RERE: variants seen among roughly 807,000 people sequenced by gnomAD.
RERE encodes arginine-glutamic acid dipeptide repeats, also known as arginine-glutamic acid dipeptide repeats protein.
In RERE, 40 loss-of-function variants were observed where a neutral mutation model predicts 146.1. That is an observed-to-expected ratio of 0.27 (90% confidence interval 0.21 to 0.36). The LOEUF (loss-of-function observed/expected upper bound fraction) is 0.36, where lower values mean the gene tolerates loss of function less well. Among genes scored for constraint, RERE ranks in the 10% least tolerant of loss-of-function variants. The pLI is 1.00. For synonymous variants in RERE, 1,003 were observed against 866.0 expected, an observed-to-expected ratio of 1.16 and a Z score of -2.78; for missense variants, 1,933 against 2,138.7, an observed-to-expected ratio of 0.90 and a Z score of 1.90.
intron 1 of RERE, among the ~76,000 whole-genome samples, chr1:8,707,639 T>C (rs376185572): frequency 6.6e-6 from 1 of 152,208 alleles, no homozygotes; most frequent in Admixed American, 6.5e-5. Context: ...TTCTTTCCTA[T>C]AGCATTATCC....
At chr1:8,455,266 G>C (rs1315370295) in intron 11 of RERE, among the ~76,000 whole-genome samples, 1 of 152,062 alleles carries the variant, frequency 6.6e-6, no homozygotes, top group Non-Finnish European at 1.5e-5. Context: ...TTTAGAGACA[G>C]GGTATCGCTC....
intron 7 of RERE, among the ~76,000 whole-genome samples, chr1:8,520,904 C>T (rs1052790809): frequency 2.0e-5 from 3 of 151,566 alleles, no homozygotes; most frequent in African/African-American, 7.3e-5. Context: ...TGAAGCACCC[C>T]CAGAAAAAAA....
intron 8 of RERE, among the ~76,000 whole-genome samples, chr1:8,500,674 G>A (rs1437846446): frequency 2.0e-5 from 3 of 147,902 alleles, no homozygotes; most frequent in Admixed American, 6.7e-5. Context: ...GCCGCCCATC[G>A]TCTGGGATAT....
Position 8,698,722 on chromosome 1 carries a change from G to A in RERE, c.-144-42281C>T, listed in dbSNP as rs1639386424. 1.3e-5 allele frequency among the ~76,000 whole-genome samples: 2 copies of A among 151,824 alleles called. 1 individual carries two copies. Among genetic ancestry groups the A allele is most frequent in the African/African-American group, 4.8e-5 (2 of 41,270 alleles). Reference sequence around the variant, plus strand: ...AGACAGGGTCTCGCTATGTTGCCAAGGCTAGTCTTGAACTTCTGGACTCCA... The same window carrying A: ...AGACAGGGTCTCGCTATGTTGCCAAAGCTAGTCTTGAACTTCTGGACTCCA... On this transcript the variant is annotated intron_variant, in intron 1 of 22. Coordinates refer to ENST00000400908, the MANE Select transcript of RERE (RefSeq NM_001042681.2).
At chr1:8,638,195 A>G (rs932815639) in intron 2 of RERE, among the ~76,000 whole-genome samples, 6 of 152,246 alleles carry the variant, frequency 3.9e-5, no homozygotes, top group African/African-American at 1.4e-4. Flanking sequence ...GATTCATTAA[A>G]TAACAGGATT....
intron 12 of RERE, chr1:8,380,835 A>T: frequency 2.2e-6 from 1 of 456,726 alleles, no homozygotes; most frequent in Non-Finnish European, 4.4e-6. Flanking sequence ...CAGGGCAGAG[A>T]GGGGCGTTCC....
chr1:8,724,491 C>T (rs1192617520), intron 1 of RERE, among the ~76,000 whole-genome samples: 8 of 152,148 alleles, frequency 5.3e-5, no homozygotes, highest in Admixed American at 5.2e-4. Flanking sequence ...GCAAATATCC[C>T]AAATCCTTTG....
intron 1 of RERE, among the ~76,000 whole-genome samples, chr1:8,755,150 T>TA (rs747685086): frequency 2.6e-5 from 4 of 152,208 alleles, no homozygotes; most frequent in Non-Finnish European, 5.9e-5. Context: ...CTAGCAGTGG[T>TA]AACAGACATA....
chr1:8,515,005 C>A (rs6577492), intron 7 of RERE, among the ~76,000 whole-genome samples: 95,009 of 151,942 alleles, frequency 0.63, 30,099 homozygotes, highest in East Asian at 0.84. Flanking sequence ...GCATTTAATT[C>A]ATGTTTTGAT....
chr1:8,420,738 G>C (rs1480790481), intron 12 of RERE, among the ~76,000 whole-genome samples: 1 of 152,192 alleles, frequency 6.6e-6, no homozygotes, highest in Non-Finnish European at 1.5e-5. Flanking sequence ...AAACTGCTGG[G>C]TGCTAGAGAA....
intron 1 of RERE, among the ~76,000 whole-genome samples, chr1:8,696,055 C>G (rs1453409779): frequency 6.6e-6 from 1 of 151,954 alleles, no homozygotes; most frequent in East Asian, 1.9e-4. Context: ...GTCAGAATGG[C>G]TATTATTAAA....
intron 1 of RERE, among the ~76,000 whole-genome samples, chr1:8,778,197 T>C (rs1641103428): frequency 6.6e-6 from 1 of 152,226 alleles, no homozygotes; most frequent in South Asian, 2.1e-4. Context: ...TAATTCTCAT[T>C]GTGATGACCC....
intron 4 of RERE, among the ~76,000 whole-genome samples, chr1:8,609,205 A>G (rs1646760250): frequency 6.6e-6 from 1 of 151,914 alleles, no homozygotes; most frequent in Non-Finnish European, 1.5e-5. Context: ...GCAAAAGAGC[A>G]AGACCCTGTC....
chr1:8,619,034 A>C (rs891703910), intron 3 of RERE, among the ~76,000 whole-genome samples: 1 of 152,226 alleles, frequency 6.6e-6, no homozygotes, highest in African/African-American at 2.4e-5. Flanking sequence ...CCAACTGCTC[A>C]CATTTGACAA....
At chr1:8,749,239 T>C (rs897672052) in intron 1 of RERE, among the ~76,000 whole-genome samples, 2 of 152,108 alleles carry the variant, frequency 1.3e-5, no homozygotes, top group African/African-American at 4.8e-5. Flanking sequence ...TAGACTCCAA[T>C]AGAGATATGT....
chr1:8,716,620 A>T (rs939488299), intron 1 of RERE, among the ~76,000 whole-genome samples: 3 of 152,188 alleles, frequency 2.0e-5, no homozygotes, highest in South Asian at 2.1e-4. Context: ...CAAACAAAAA[A>T]AAATAAACAG....
intron 4 of RERE, among the ~76,000 whole-genome samples, chr1:8,589,142 C>A (rs560679455): frequency 2.6e-5 from 4 of 151,428 alleles, no homozygotes; most frequent in Non-Finnish European, 4.4e-5. Context: ...AACAAACAAA[C>A]AAAAACTACT....
At chr1:8,379,498 C>T (rs1642371788) in intron 12 of RERE, among the ~76,000 whole-genome samples, 3 of 152,234 alleles carry the variant, frequency 2.0e-5, no homozygotes, top group South Asian at 2.1e-4. Flanking sequence ...ACCAGGGGTT[C>T]GGGTGTAATT....
intron 1 of RERE, among the ~76,000 whole-genome samples, chr1:8,747,703 C>G (rs1640449362): frequency 6.6e-6 from 1 of 152,070 alleles, no homozygotes; most frequent in South Asian, 2.1e-4. Flanking sequence ...AAAACCTAAT[C>G]CTCCTTTACT....
Sources: gnomAD v4.1 joint callset for allele counts (sites outside exome capture counted in the v4.1 genomes callset) on GRCh38, gnomAD v4.1.1 for gene constraint, MANE v1.5 for transcripts, NCBI Gene and HGNC (gene_info 2026-07-23, HGNC 2026-07-21) for gene names.